The following MYO9A variants were observed in gnomAD, a reference collection of about 807,000 sequenced individuals.
MYO9A encodes the protein unconventional myosin-IXa.
A neutral mutation model predicts 293.3 loss-of-function variants in MYO9A; 103 were observed. The ratio of observed to expected loss-of-function variants is 0.35; its 90% CI spans 0.30 to 0.41. The LOEUF (loss-of-function observed/expected upper bound fraction) is 0.41, where lower values mean the gene tolerates loss of function less well. Ranked by LOEUF, MYO9A falls within the 10% of genes least tolerant of loss-of-function variation. The pLI, the probability that MYO9A is intolerant of heterozygous loss-of-function variation, is 1.00. For synonymous variants in MYO9A, 1,001 were observed against 1,035.7 expected (o/e 0.97, Z 0.64); for missense variants, 2,685 against 3,033.0 (o/e 0.89, Z 2.69).
intron 19 of MYO9A, among the ~76,000 whole-genome samples, chr15:71,908,205 C>T (rs943974763): frequency 1.1e-4 from 17 of 152,180 alleles, no homozygotes; most frequent in African/African-American, 3.9e-4. Flanking sequence ...ATAGGGAATC[C>T]TTTCCCCATT....
chr15:72,009,513 C>T (rs1408697561), intron 7 of MYO9A, among the ~76,000 whole-genome samples: 1 of 150,802 alleles, frequency 6.6e-6, no homozygotes, highest in African/African-American at 2.4e-5. Context: ...TCACTTGAGC[C>T]TAGGAATTCA....
At chr15:71,933,017 A>T (rs1006196937) in intron 18 of MYO9A, among the ~76,000 whole-genome samples, 5 of 150,282 alleles carry the variant, frequency 3.3e-5, no homozygotes, top group Middle Eastern at 6.8e-3. Flanking sequence ...ATAAAAAAAT[A>T]AAAAAAAACC....
chr15:71,851,943 G>T (rs1311206947), intron 36 of MYO9A, among the ~76,000 whole-genome samples, 189 bp downstream of exon 36: 2 of 152,124 alleles, frequency 1.3e-5, no homozygotes, highest in African/African-American at 4.8e-5. Flanking sequence ...CTAACGTTTT[G>T]ATGAGTCTCT....
chr15:71,875,921 C>T (rs2056668729), intron 31 of MYO9A, 83 bp from the exon 32 acceptor site: 2 of 727,726 alleles, frequency 2.7e-6, no homozygotes, highest in Admixed American at 4.2e-5. Flanking sequence ...TGTTAAGATA[C>T]TTGCTCAACA....
intron 34 of MYO9A, among the ~76,000 whole-genome samples, chr15:71,858,029 G>A (rs1193984059): frequency 6.6e-6 from 1 of 152,310 alleles, no homozygotes; most frequent in Non-Finnish European, 1.5e-5. Flanking sequence ...CTGGCCATCA[G>A]AGAAATGCAA....
At chr15:71,978,030 C>T (rs1027476173) in intron 12 of MYO9A, 141 bp downstream of exon 12, 3 of 940,390 alleles carry the variant, frequency 3.2e-6, no homozygotes, top group African/African-American at 3.4e-5. Flanking sequence ...GATCAAGACT[C>T]CGTCTCAAAA....
intron 31 of MYO9A, among the ~76,000 whole-genome samples, chr15:71,876,889 C>G (rs2056711421): frequency 1.3e-5 from 2 of 152,068 alleles, no homozygotes; most frequent in Non-Finnish European, 2.9e-5. Flanking sequence ...AATCTAAACC[C>G]AACCTTTTAA....
At chr15:71,955,490 T>C (rs1160904995) in intron 14 of MYO9A, among the ~76,000 whole-genome samples, 3 of 152,242 alleles carry the variant, frequency 2.0e-5, no homozygotes, top group African/African-American at 7.2e-5. Flanking sequence ...TCTAGCTTTT[T>C]GCTGAGGATT....
chr15:72,007,866 C>G lies in MYO9A; in HGVS notation c.1340G>C (p.Cys447Ser). 1 of 1,613,360 alleles carries G rather than the reference C, an allele frequency of 6.2e-7. No homozygotes were observed. The stretch of plus-strand genomic sequence containing the variant: ...GACAATAGGCAGAACTTCAGGATTA[C>G]AGATATCAATGGAGTCATCCCGGTA... ...KTYRDDSIDI[C>S]NPEVLPIVSE... Residue 447 changes from cysteine to serine, a missense_variant, in exon 8 of 42, where the codon TGT becomes TCT. By Grantham distance (112) the Cys-to-Ser change is moderately radical. Around this residue, in one of 10 missense-constraint regions of MYO9A, gnomAD observed 289 missense variants for 456.8 expected, o/e 0.63. Coordinates refer to ENST00000356056, the MANE Select transcript of MYO9A (RefSeq NM_006901.4).
chr15:71,897,556 T>C lies in MYO9A; in HGVS notation c.4947A>G (p.Pro1649=), dbSNP rs371048559. The change falls in exon 25 of 42, where the codon CCA becomes CCG. Residue 1649 remains proline (P), a synonymous_variant. Coordinates refer to ENST00000356056, the MANE Select transcript of MYO9A (RefSeq NM_006901.4). ...NRISKREHFR[P]TQSYSHNSDD... ...CAGAATTGTGGCTGTAAGACTGAGT[T>C]GGCCTAAAGTGTTCTCTTTTTGAAA... The C allele has an allele frequency of 1.2e-6, 2 of 1,614,196 alleles. No individual in the cohort carries two copies. Among genetic ancestry groups the C allele is most frequent in the Non-Finnish European group, 1.7e-6 (2 of 1,180,016 alleles).
Position 71,897,563 on chromosome 15 carries a change from A to C in MYO9A, c.4940T>G (p.Phe1647Cys), listed in dbSNP as rs2057365304. The C allele has an allele frequency of 1.9e-6, 3 of 1,614,056 alleles. No individual in the cohort carries two copies. ...GTGGCTGTAAGACTGAGTTGGCCTA[A>C]AGTGTTCTCTTTTTGAAATGCGATT... ...SNNRISKREH[F>C]RPTQSYSHNS... is the part of the protein sequence containing the mutation. Residue 1647 changes from phenylalanine (F) to cysteine (C), a missense_variant, in exon 25 of 42, where the codon TTT (phenylalanine) becomes TGT (cysteine). Around this residue, in one of 10 missense-constraint regions of MYO9A, gnomAD observed 1,434 missense variants for 1,497.7 expected, o/e 0.96. Transcript: ENST00000356056.
chr15:72,080,119 C>T (rs2079494352), intron 1 of MYO9A, among the ~76,000 whole-genome samples: 1 of 152,070 alleles, frequency 6.6e-6, no homozygotes, highest in African/African-American at 2.4e-5. Context: ...AAAACACATA[C>T]ACACTCCTCC....
At chr15:71,828,829 C>G (rs1332400010) in intron 40 of MYO9A, among the ~76,000 whole-genome samples, 1 of 152,182 alleles carries the variant, frequency 6.6e-6, no homozygotes, top group Non-Finnish European at 1.5e-5. Context: ...CTACTTTCTC[C>G]AATGCACAGA....
At position 71,826,696 on chromosome 15, in the gene MYO9A, T is replaced by G. The variant is rs749706665; in HGVS notation, c.7531A>C (p.Lys2511Gln). 3 of 1,614,058 alleles carry G rather than the reference T, an allele frequency of 1.9e-6. No individual in the cohort carries two copies. The African/African-American group carries it at 4.0e-5, about 22-fold the overall frequency. Reference sequence around the variant, plus strand: ...GTCCCCTCTGGGGTCTCTTTGGTTTTCTGAGGTGAGTTTTTCACATTCTTT... The same window carrying G: ...GTCCCCTCTGGGGTCTCTTTGGTTTGCTGAGGTGAGTTTTTCACATTCTTT... The part of the protein sequence containing the change: ...KLKNVKNSPQ[K>Q]TKETPEGTVM... Residue 2511 changes from lysine (K) to glutamine (Q), a missense_variant, in exon 42 of 42, where the codon AAA becomes CAA. By Grantham distance (53) the Lys-to-Gln change is moderately conservative. Around this residue, in one of 10 missense-constraint regions of MYO9A, gnomAD observed 350 missense variants for 328.9 expected, o/e 1.06. Coordinates refer to ENST00000356056, the MANE Select transcript of MYO9A (RefSeq NM_006901.4).
chr15:71,875,758 C>T, intron 32 of MYO9A, 33 bp downstream of exon 32: 1 of 1,191,144 alleles, frequency 8.4e-7, no homozygotes, highest in South Asian at 2.6e-5. Context: ...CTGAAAATTA[C>T]TTTTTTAATT....
chr15:72,087,627 C>T (rs1567026521), intron 1 of MYO9A, among the ~76,000 whole-genome samples: 1 of 152,188 alleles, frequency 6.6e-6, no homozygotes, highest in Non-Finnish European at 1.5e-5. Context: ...ATCCCAACAT[C>T]TGTGTCTTCC....
chr15:71,853,424 T>C (rs1057237717), intron 35 of MYO9A, among the ~76,000 whole-genome samples: 5 of 152,226 alleles, frequency 3.3e-5, no homozygotes, highest in African/African-American at 7.2e-5. Context: ...TTCAGGATGA[T>C]TGATTTTCAC....
At chr15:72,065,082 G>C (rs536385794) in intron 1 of MYO9A, among the ~76,000 whole-genome samples, 2 of 152,312 alleles carry the variant, frequency 1.3e-5, no homozygotes, top group South Asian at 2.1e-4. Context: ...CAGTATGGGG[G>C]AAGGAAAGGC....
chr15:72,108,589 T>C (rs557629280), intron 1 of MYO9A, among the ~76,000 whole-genome samples: 3 of 152,250 alleles, frequency 2.0e-5, no homozygotes, highest in African/African-American at 7.2e-5. Context: ...TGAGTTCTCT[T>C]TTGAAAAAAA....
Sources: gnomAD v4.1 joint callset for allele counts (sites outside exome capture counted in the v4.1 genomes callset) on GRCh38, gnomAD v4.1.1 for gene constraint, gnomAD v4.1.1 regional missense constraint, MANE v1.5 for transcripts, NCBI Gene and HGNC (gene_info 2026-07-23, HGNC 2026-07-21) for gene names.